The following THSD7B variants were observed in gnomAD, a reference collection of about 807,000 sequenced individuals.
THSD7B encodes thrombospondin type 1 domain containing 7B, also known as thrombospondin type-1 domain-containing protein 7B.
A neutral mutation model predicts 213.6 loss-of-function variants in THSD7B; 138 were observed. The observed-to-expected ratio is 0.65, with a 90% CI of 0.56 to 0.74. The LOEUF (loss-of-function observed/expected upper bound fraction) is 0.74, where lower values mean the gene tolerates loss of function less well. Ranked by LOEUF, THSD7B falls within the 30% of genes least tolerant of loss-of-function variation. The probability of loss-of-function intolerance (pLI) is 0.00; values close to 1 mark genes in which losing one functional copy is unlikely to be tolerated. For synonymous variants in THSD7B, 742 were observed against 687.0 expected (o/e 1.08, Z -1.25); for missense variants, 1,931 against 1,991.5 (o/e 0.97, Z 0.58).
chr2:137,008,768 A>T (rs1340911079), intron 2 of THSD7B, among the ~76,000 whole-genome samples: 1 of 152,204 alleles, frequency 6.6e-6, no homozygotes, highest in Non-Finnish European at 1.5e-5. Flanking sequence ...TCACTTGCTT[A>T]TGAAGGAGAT....
At chr2:137,347,894 G>T (rs1159522067) in intron 12 of THSD7B, among the ~76,000 whole-genome samples, 3 of 151,038 alleles carry the variant, frequency 2.0e-5, no homozygotes, top group African/African-American at 7.3e-5. Context: ...AATTAGAATT[G>T]TCATGATCAA....
intron 15 of THSD7B, among the ~76,000 whole-genome samples, chr2:137,483,082 C>T (rs565485440): frequency 1.3e-5 from 2 of 152,272 alleles, no homozygotes; most frequent in South Asian, 2.1e-4. Flanking sequence ...AATAGGATGC[C>T]TTGGGACCTA....
At chr2:137,176,704 G>T (rs1024194501) in intron 7 of THSD7B, among the ~76,000 whole-genome samples, 1 of 152,164 alleles carries the variant, frequency 6.6e-6, no homozygotes, top group Non-Finnish European at 1.5e-5. Context: ...CTGCAGTCTT[G>T]CTAGGGAATT....
At chr2:137,364,345 T>C (rs1420075247) in intron 12 of THSD7B, among the ~76,000 whole-genome samples, 1 of 152,212 alleles carries the variant, frequency 6.6e-6, no homozygotes, top group Admixed American at 6.5e-5. Flanking sequence ...AAGACATGGA[T>C]GCCATCTCTC....
At position 136,964,295 on chromosome 2, in the gene THSD7B, G is replaced by A. The variant is rs117438670; in HGVS notation, c.139+81978G>A. On this transcript the variant is annotated intron_variant, in intron 2 of 27. Coordinates refer to ENST00000409968, the MANE Select transcript of THSD7B (RefSeq NM_001316349.2). ...GAAATAGGCCTGAGGATTGACTCAG[G>A]CATGGTGAAGTCTTAGCTACTTAAG... Among the ~76,000 whole-genome samples the A allele has an allele frequency of 7.9e-5, 12 of 152,084 alleles. No individual in the cohort carries two copies. In the East Asian group the frequency reaches 2.3e-3, roughly 29 times the overall value.
intron 12 of THSD7B, among the ~76,000 whole-genome samples, chr2:137,308,445 A>G (rs991714126): frequency 2.6e-5 from 4 of 152,000 alleles, no homozygotes; most frequent in Non-Finnish European, 5.9e-5. Flanking sequence ...ATGATATGTA[A>G]CATATCACAT....
chr2:137,038,647 G>A (rs1475977437), intron 2 of THSD7B, among the ~76,000 whole-genome samples: 2 of 152,176 alleles, frequency 1.3e-5, no homozygotes, highest in African/African-American at 4.8e-5. Flanking sequence ...GATAGGCAAG[G>A]CAGATTAAAT....
chr2:137,498,575 C>A (rs916281717), intron 15 of THSD7B, among the ~76,000 whole-genome samples: 1 of 151,830 alleles, frequency 6.6e-6, no homozygotes, highest in African/African-American at 2.4e-5. Context: ...ATCTTTGGAT[C>A]TATTGGATGG....
chr2:137,558,434 A>T (rs1681032963), intron 15 of THSD7B, among the ~76,000 whole-genome samples: 1 of 152,220 alleles, frequency 6.6e-6, no homozygotes. Context: ...AACATAATCC[A>T]GCATATAAAC....
At chr2:136,806,204 C>A (rs75141810) in intron 1 of THSD7B, among the ~76,000 whole-genome samples, 3 of 152,046 alleles carry the variant, frequency 2.0e-5, no homozygotes, top group Non-Finnish European at 4.4e-5. Context: ...CTTTTTCAGC[C>A]CATGACATTT....
chr2:137,528,120 T>G (rs1680313523), intron 15 of THSD7B, among the ~76,000 whole-genome samples: 1 of 152,112 alleles, frequency 6.6e-6, no homozygotes, highest in Admixed American at 6.6e-5. Flanking sequence ...GATGTTCAAT[T>G]TTGTTGAACC....
chr2:137,078,309 A>T (rs1276170386), intron 3 of THSD7B, among the ~76,000 whole-genome samples: 1 of 151,736 alleles, frequency 6.6e-6, no homozygotes, highest in South Asian at 2.1e-4. Flanking sequence ...GGCAATGTGG[A>T]CTCTTTTTTG....
chr2:137,468,134 C>G (rs1008633958), intron 15 of THSD7B, among the ~76,000 whole-genome samples: 1 of 152,158 alleles, frequency 6.6e-6, no homozygotes, highest in African/African-American at 2.4e-5. Flanking sequence ...TTTAGTAATG[C>G]TTGTAACAAT....
chr2:137,454,412 GTCTGTCTGTCTGTCTATCTA>G lies in THSD7B; in HGVS notation c.3138+3393_3138+3412del, dbSNP rs965366158. Among the ~76,000 whole-genome samples the G allele has an allele frequency of 1.1e-4, 13 of 121,532 alleles. 1 individual carries two copies. The highest frequency in any genetic ancestry group is 7.7e-4 in the Admixed American group (8 of 10,450). 79.7% of individuals were successfully genotyped at this position (121,532 alleles called of 152,430 possible). A position where few individuals can be genotyped will look rare whatever the true frequency, so the allele number is the denominator to read the frequency against. ...ATTCTATCTGTCTGTCTGTCTGTCT[GTCTGTCTGTCTGTCTATCTA>G]TCTATCTATCTATCTATCTATCTAT... On this transcript the variant is annotated intron_variant, in intron 15 of 27. Transcript: ENST00000409968.
At chr2:137,222,874 G>C (rs1474604317) in intron 7 of THSD7B, among the ~76,000 whole-genome samples, 2 of 152,220 alleles carry the variant, frequency 1.3e-5, no homozygotes, top group African/African-American at 4.8e-5. Context: ...TCCTGGGTCA[G>C]AAAGGAGGAG....
chr2:137,411,651 A>G lies in THSD7B; in HGVS notation c.2738A>G (p.Tyr913Cys). 6.2e-7 allele frequency: 1 copy of G among 1,613,944 alleles called. No individual in the cohort carries two copies. The highest frequency in any genetic ancestry group is 1.1e-5 in the South Asian group (1 of 91,076). The change falls in exon 14 of 28, where the codon TAC becomes TGC. Residue 913 changes from tyrosine (Y) to cysteine (C), a missense_variant. Physicochemically the swap from Tyr to Cys is radical, Grantham distance 194. Transcript: ENST00000409968. Reference sequence around the variant, plus strand: ...GAGAAATGCCAGGATTCTGACCTTTACCCTCTAGTGGAGACAGAACTATGT... The same window carrying G: ...GAGAAATGCCAGGATTCTGACCTTTGCCCTCTAGTGGAGACAGAACTATGT... ...KKEKCQDSDL[Y>C]PLVETELCPC...
At chr2:137,571,273 T>C (rs769445803) in intron 16 of THSD7B, among the ~76,000 whole-genome samples, 82 of 152,212 alleles carry the variant, frequency 5.4e-4, no homozygotes, top group Non-Finnish European at 8.4e-4. Flanking sequence ...TCACTCATAT[T>C]CTTTCATTCA....
intron 3 of THSD7B, among the ~76,000 whole-genome samples, chr2:137,080,506 A>C (rs1392584526): frequency 1.3e-5 from 2 of 151,628 alleles, no homozygotes; most frequent in Non-Finnish European, 1.5e-5. Flanking sequence ...GAGCCACTGC[A>C]TCTGACCAAT....
intron 12 of THSD7B, among the ~76,000 whole-genome samples, chr2:137,295,331 C>T (rs762618048): frequency 1.3e-5 from 2 of 152,128 alleles, no homozygotes; most frequent in African/African-American, 2.4e-5. Context: ...ATATCTATTA[C>T]ACAAATGCAT....
Sources: allele counts gnomAD v4.1 joint callset (sites outside exome capture counted in the v4.1 genomes callset), GRCh38; gene constraint gnomAD v4.1.1; transcripts MANE v1.5; gene names NCBI Gene and HGNC (gene_info 2026-07-23, HGNC 2026-07-21).